The following BCAS3 variants were observed in gnomAD, a reference collection of about 807,000 sequenced individuals.
BCAS3 encodes the protein BCAS3 microtubule associated cell migration factor, also known as BCAS4/BCAS3 fusion.
Under a neutral mutation model 116.1 loss-of-function variants are expected in BCAS3, and 53 were observed. The ratio of observed to expected loss-of-function variants is 0.46; its 90% CI spans 0.37 to 0.57. The LOEUF is 0.57. BCAS3 is among the 20% of genes least tolerant of loss of function. BCAS3 has a pLI of 0.00. For missense variants in BCAS3, 917 were observed against 1,165.4 expected, an observed-to-expected ratio of 0.79 and a Z score of 3.10; for synonymous variants, 391 against 408.2, an observed-to-expected ratio of 0.96 and a Z score of 0.51.
At position 61,008,477 on chromosome 17, in the gene BCAS3, TA is replaced by T. The variant is rs2064874763; in HGVS notation, c.1487-7272del. ...GCAAGCAAGAACTAAGCAGTGTTTTTAACTTTTCAGAGCCCACATTTCCAGT... is the reference window on the plus strand; with the variant it reads ...GCAAGCAAGAACTAAGCAGTGTTTTTACTTTTCAGAGCCCACATTTCCAGT... On this transcript the variant is annotated intron_variant, in intron 15 of 23. Transcript: ENST00000407086. The surrounding 1 kb of genome is among the most constrained non-coding windows in gnomAD (Gnocchi z 4.6). Among the ~76,000 whole-genome samples the T allele has an allele frequency of 6.6e-6, 1 of 151,990 alleles. No individual in the cohort carries two copies. Among genetic ancestry groups the T allele is most frequent in the South Asian group, 2.1e-4 (1 of 4,836 alleles).
At chr17:60,999,446 C>T (rs529982647) in intron 15 of BCAS3, among the ~76,000 whole-genome samples, 1 of 150,010 alleles carries the variant, frequency 6.7e-6, no homozygotes, top group South Asian at 2.1e-4. Flanking sequence ...GAGGCTGAGG[C>T]AGGAGAATCA....
intron 15 of BCAS3, among the ~76,000 whole-genome samples, chr17:60,998,081 G>A (rs979707217): frequency 1.3e-5 from 2 of 152,120 alleles, no homozygotes; most frequent in African/African-American, 4.8e-5. Flanking sequence ...CCACTTATAA[G>A]TGAAAACATG....
chr17:60,861,317 C>T (rs534006630), intron 7 of BCAS3, among the ~76,000 whole-genome samples: 141 of 152,266 alleles, frequency 9.3e-4, no homozygotes, highest in African/African-American at 3.2e-3. Context: ...TATAGACATG[C>T]TGTTGATTTT....
Position 61,189,113 on chromosome 17 carries a change from A to G in BCAS3, c.2425+104549A>G, listed in dbSNP as rs937388936. Among the ~76,000 whole-genome samples the G allele has an allele frequency of 2.0e-5, 3 of 152,132 alleles. No individual in the cohort carries two copies. Among genetic ancestry groups the G allele is most frequent in the African/African-American group, 4.8e-5 (2 of 41,424 alleles). The stretch of plus-strand genomic sequence containing the variant: ...ACAAGACCCTGCCTGAAAACAAAAC[A>G]AAACAAAAAAAGAGAGAGAGAGAGA... On this transcript the variant is annotated intron_variant, in intron 22 of 23. Coordinates refer to ENST00000407086, the MANE Select transcript of BCAS3 (RefSeq NM_017679.5). This position sits in a 1 kb window ranked among gnomAD's most constrained non-coding sequence, Gnocchi z 4.5.
In BCAS3 at chr17:61,156,178, A is replaced by T. The variant is rs1387468661; in HGVS notation, c.2425+71614A>T. Reference sequence around the variant, plus strand: ...ACAGTCAGCCAGACACATTAAAAAAAAAAAAAAGAAAAGTAAAATCTGAGT... The same window carrying T: ...ACAGTCAGCCAGACACATTAAAAAATAAAAAAAGAAAAGTAAAATCTGAGT... On this transcript the variant is annotated intron_variant, in intron 22 of 23. Transcript: ENST00000407086. This position sits in a 1 kb window ranked among gnomAD's most constrained non-coding sequence, Gnocchi z 4.7. 1.3e-5 allele frequency among the ~76,000 whole-genome samples: 2 copies of T among 152,084 alleles called. No homozygotes were observed. Among genetic ancestry groups the T allele is most frequent in the Non-Finnish European group, 2.9e-5 (2 of 68,020 alleles).
chr17:61,196,381 A>G lies in BCAS3; in HGVS notation c.2425+111817A>G, dbSNP rs1443803722. Among the ~76,000 whole-genome samples the G allele has an allele frequency of 6.6e-6, 1 of 152,216 alleles. No individual in the cohort carries two copies. Among genetic ancestry groups the G allele is most frequent in the Non-Finnish European group, 1.5e-5 (1 of 68,040 alleles). On this transcript the variant is annotated intron_variant, in intron 22 of 23. Coordinates refer to ENST00000407086, the MANE Select transcript of BCAS3 (RefSeq NM_017679.5). The surrounding 1 kb of genome is among the most constrained non-coding windows in gnomAD (Gnocchi z 4.7). ...ATAGCGTGCTAACTCTATCAGGGTC[A>G]TTTCCAGTCTGTGGCCGCTAAAAAT...
intron 22 of BCAS3, among the ~76,000 whole-genome samples, chr17:61,329,958 G>T (rs1428872632): frequency 6.6e-6 from 1 of 152,100 alleles, no homozygotes; most frequent in Non-Finnish European, 1.5e-5. Context: ...ACTGTTAGGC[G>T]CTAGAAATAT....
chr17:60,693,910 G>C (rs1188850842), intron 4 of BCAS3, among the ~76,000 whole-genome samples: 2 of 141,106 alleles, frequency 1.4e-5, no homozygotes, highest in African/African-American at 5.4e-5. Context: ...TTTTGAGATG[G>C]AGTCTTGCTC....
rs1359123012 is a variant in BCAS3 at position 61,355,770 on chromosome 17, A to G, written c.2426-12557A>G. 6.6e-6 allele frequency among the ~76,000 whole-genome samples: 1 copy of G among 152,186 alleles called. No individual in the cohort carries two copies. Among genetic ancestry groups the G allele is most frequent in the African/African-American group, 2.4e-5 (1 of 41,448 alleles). On this transcript the variant is annotated intron_variant, in intron 22 of 23. Coordinates refer to ENST00000407086, the MANE Select transcript of BCAS3 (RefSeq NM_017679.5). The surrounding 1 kb of genome is among the most constrained non-coding windows in gnomAD (Gnocchi z 4.2). ...CTTTCCTGATACCTGACCACAGACTAATTATTTGGAATGAGGACTGTCCTA... is the reference window on the plus strand; with the variant it reads ...CTTTCCTGATACCTGACCACAGACTGATTATTTGGAATGAGGACTGTCCTA...
At chr17:61,157,455 A>G (rs1295816014) in intron 22 of BCAS3, 1 of 152,098 alleles carries the variant, frequency 6.6e-6, no homozygotes. Flanking sequence ...TGTTTGTTGC[A>G]GAAGAGCAGA....
chr17:61,380,249 GCAGGCAGGAGTGTAGGAACT>G lies in BCAS3; in HGVS notation c.2594-11720_2594-11701del, dbSNP rs1348606341. 9 of 521,942 alleles carry G rather than the reference GCAGGCAGGAGTGTAGGAACT, an allele frequency of 1.7e-5. No homozygotes were observed. The highest frequency in any genetic ancestry group is 1.2e-4 in the African/African-American group (6 of 52,154). The allele number at this position is 521,942 out of a possible 1,614,324, so 32.3% of individuals were successfully genotyped here. ...TCATTCCCTACCCCAGCCCTGTGCA[GCAGGCAGGAGTGTAGGAACT>G]CAGGCAGCTGGACTGGGGAGGAGGG... On this transcript the variant is annotated intron_variant, in intron 23 of 23. Transcript: ENST00000407086. The surrounding 1 kb of genome is among the most constrained non-coding windows in gnomAD (Gnocchi z 4.2).
chr17:60,826,297 C>T (rs2050417424), intron 7 of BCAS3, among the ~76,000 whole-genome samples: 2 of 152,126 alleles, frequency 1.3e-5, no homozygotes, highest in African/African-American at 4.8e-5. Context: ...AATTCTCAAG[C>T]CTCAGCCTCC....
chr17:60,778,650 A>G (rs1043515414), intron 6 of BCAS3, among the ~76,000 whole-genome samples: 1 of 152,140 alleles, frequency 6.6e-6, no homozygotes, highest in Non-Finnish European at 1.5e-5. Context: ...AGCAAGACTT[A>G]TTTTCCTACA....
In BCAS3 at chr17:61,045,823, T is replaced by TTCTCTCTCTCTCTCTCTCTCTCTCTCTC. The variant is rs1182475386; in HGVS notation, c.2029+4958_2029+4959insCTCTCTCTCTCTCTCTCTCTCTCTCTCT. ...AGAGTGAGTGAGACTTCATCTCTCTTTCTCTCTCTCTCTCTCTCTCTCTCT... is the reference window on the plus strand; with the variant it reads ...AGAGTGAGTGAGACTTCATCTCTCTTTCTCTCTCTCTCTCTCTCTCTCTCTCTCTCTCTCTCTCTCTCTCTCTCTCTCT... On this transcript the variant is annotated intron_variant, in intron 19 of 23. Coordinates refer to ENST00000407086, the MANE Select transcript of BCAS3 (RefSeq NM_017679.5). Among the ~76,000 whole-genome samples, 37 of 34,618 alleles carry TTCTCTCTCTCTCTCTCTCTCTCTCTCTC rather than the reference T, an allele frequency of 1.1e-3. 1 individual carries two copies. The highest frequency in any genetic ancestry group is 1.2e-3 in the Non-Finnish European group (28 of 23,854). 22.7% of individuals were successfully genotyped at this position (34,618 alleles called of 152,430 possible).
At chr17:60,722,491 G>A (rs879402041) in intron 5 of BCAS3, among the ~76,000 whole-genome samples, 17 of 151,962 alleles carry the variant, frequency 1.1e-4, no homozygotes, top group Admixed American at 4.6e-4. Context: ...GGCTGGGTGC[G>A]GTGGCTCATG....
At position 61,333,913 on chromosome 17, in the gene BCAS3, C is replaced by A. The variant is rs1402926776; in HGVS notation, c.2426-34414C>A. On this transcript the variant is annotated intron_variant, in intron 22 of 23. Transcript: ENST00000407086. This position sits in a 1 kb window ranked among gnomAD's most constrained non-coding sequence, Gnocchi z 4.8. ...GGGATTACAGGCATGAGCCATGGTA[C>A]CCTGCCAAGTTCTTGAACCTTTCTG... 1.3e-5 allele frequency among the ~76,000 whole-genome samples: 2 copies of A among 152,218 alleles called. No individual in the cohort carries two copies. Among genetic ancestry groups the A allele is most frequent in the African/African-American group, 2.4e-5 (1 of 41,464 alleles).
At chr17:60,761,142 T>A (rs1568189300) in intron 6 of BCAS3, among the ~76,000 whole-genome samples, 1 of 152,172 alleles carries the variant, frequency 6.6e-6, no homozygotes, top group Non-Finnish European at 1.5e-5. Context: ...TGTATTGTTT[T>A]TCAGAACTCT....
At position 60,990,951 on chromosome 17, in the gene BCAS3, T is replaced by G. The variant is rs1022248263; in HGVS notation, c.1486+716T>G. 2.0e-5 allele frequency among the ~76,000 whole-genome samples: 3 copies of G among 152,166 alleles called. No individual in the cohort carries two copies. The highest frequency in any genetic ancestry group is 4.2e-4 in the South Asian group (2 of 4,814). ...ATGAGCCACCGCACCCAGCCTGCAT[T>G]TTATTTTAAAATGGGATTGGCGGGA... On this transcript the variant is annotated intron_variant, in intron 15 of 23. Coordinates refer to ENST00000407086, the MANE Select transcript of BCAS3 (RefSeq NM_017679.5). The surrounding 1 kb of genome is among the most constrained non-coding windows in gnomAD (Gnocchi z 5.1).
At chr17:61,270,123 T>A (rs2050113948) in intron 22 of BCAS3, among the ~76,000 whole-genome samples, 1 of 142,410 alleles carries the variant, frequency 7.0e-6, no homozygotes, top group Non-Finnish European at 1.5e-5. Flanking sequence ...TTTTTTTTTT[T>A]TTTTTTTTTT....
Sources: allele counts gnomAD v4.1 joint callset (sites outside exome capture counted in the v4.1 genomes callset), GRCh38; gene constraint gnomAD v4.1.1; non-coding constraint Gnocchi (gnomAD v3.1); transcripts MANE v1.5; gene names NCBI Gene and HGNC (gene_info 2026-07-23, HGNC 2026-07-21).